TJP2: variants seen among roughly 807,000 people sequenced by gnomAD.
The protein encoded by TJP2 is Friedreich ataxia region gene X104 (tight junction protein ZO-2).
In TJP2, 91 loss-of-function variants were observed where a neutral mutation model predicts 133.1. The observed-to-expected ratio is 0.68, with a 90% confidence interval of 0.58 to 0.81. The LOEUF is 0.81. Ranked by LOEUF, TJP2 falls within the 40% of genes least tolerant of loss-of-function variation. TJP2 has a pLI of 0.00. For synonymous variants in TJP2, 592 were observed against 583.4 expected, an observed-to-expected ratio of 1.01 and a Z score of -0.21; for missense variants, 1,541 against 1,565.6, an observed-to-expected ratio of 0.98 and a Z score of 0.26.
intron 14 of TJP2, among the ~76,000 whole-genome samples, chr9:69,237,591 C>CAAGAGGCTTGAGGT (rs2133391716): frequency 2.3e-5 from 1 of 42,932 alleles, no homozygotes; most frequent in Admixed American, 2.7e-4. Flanking sequence ...CCCAGCTACT[C>CAAGAGGCTTGAGGT]AGGAGGCTTG....
intron 1 of TJP2, among the ~76,000 whole-genome samples, chr9:69,130,696 TG>T (rs1290318392): frequency 6.6e-6 from 1 of 151,934 alleles, no homozygotes; most frequent in African/African-American, 2.4e-5. Flanking sequence ...GCTGTGGAAG[TG>T]GGTACCAGCC....
rs760089916 is a variant in TJP2 at position 69,226,162 on chromosome 9, C to T, written c.1197C>T (p.Asp399=). The change falls in exon 7 of 23, where the codon GAC becomes GAT. Residue 399 remains aspartate, a synonymous_variant. Transcript: ENST00000377245. The part of the protein sequence containing the change: ...LINIPSLNDS[D]SEIEDISEIE... ...ACATCCCGTCATTAAATGACAGTGA[C>T]TCAGAAATAGAAGGTAAAGGAAGAG... The T allele has an allele frequency of 1.1e-4, 172 of 1,613,948 alleles. No homozygotes were observed. The highest frequency in any genetic ancestry group is 1.4e-4 in the Non-Finnish European group (165 of 1,180,024).
At chr9:69,210,299 C>CCCAA (rs377382335) in intron 1 of TJP2, among the ~76,000 whole-genome samples, 43 of 28,658 alleles carry the variant, frequency 1.5e-3, no homozygotes, top group East Asian at 9.7e-3. Context: ...CCCCCCCCCC[C>CCCAA]AAAAAAAAAA....
chr9:69,152,448 G>T (rs1049737714), intron 2 of TJP2, among the ~76,000 whole-genome samples: 4 of 152,158 alleles, frequency 2.6e-5, no homozygotes, highest in African/African-American at 7.2e-5. Flanking sequence ...ATTCCTGTCT[G>T]TTGAAGTTGG....
At chr9:69,167,174 G>T (rs775553952) in intron 2 of TJP2, among the ~76,000 whole-genome samples, 2 of 151,976 alleles carry the variant, frequency 1.3e-5, no homozygotes, top group Non-Finnish European at 2.9e-5. Flanking sequence ...GGAGGCGGAC[G>T]TTGCAGTGAG....
At chr9:69,145,670 G>A (rs746450473) in intron 1 of TJP2, 33 of 1,210,626 alleles carry the variant, frequency 2.7e-5, no homozygotes, top group Non-Finnish European at 3.4e-5. Context: ...AACAGTGACT[G>A]AAATTTACAG....
In TJP2 at chr9:69,125,010, C is replaced by T. The variant is rs149349005; in HGVS notation, c.-131+3285C>T. Among the ~76,000 whole-genome samples the T allele has an allele frequency of 3.4e-3, 256 of 76,382 alleles. 93 individuals are homozygous for T. Among genetic ancestry groups the T allele is most frequent in the African/African-American group, 9.8e-3 (245 of 24,956 alleles). 50.1% of individuals were successfully genotyped at this position (76,382 alleles called of 152,430 possible). ...TCTTGTCACCCAGGCTGGAGTGCAA[C>T]GGCGCGATCTTGGCTTACTGCAACC... On this transcript the variant is annotated intron_variant, in intron 1 of 5. Transcript: ENST00000423935.
At position 69,174,431 on chromosome 9, in the gene TJP2, G is replaced by A. The variant is rs1163571760; in HGVS notation, c.59G>A (p.Arg20His). Residue 20 changes from arginine (R) to histidine (H), a missense_variant and splice_region_variant, in exon 1 of 23, where the codon CGC becomes CAC. By Grantham distance (29) the Arg-to-His change is conservative (BLOSUM62 0). Transcript: ENST00000377245. ...PPRRELSGWL[R>H]APGMEELIWE... ...CGGCGGGAGCTGTCAGGTTGGCTCC[G>A]CGTAAGTGCCTCCTTGTGCCGCGCG... The A allele has an allele frequency of 6.4e-7, 1 of 1,551,276 alleles. No individual in the cohort carries two copies. The highest frequency in any genetic ancestry group is 8.7e-7 in the Non-Finnish European group (1 of 1,146,960).
rs766748789 is a variant in TJP2 at position 69,236,102 on chromosome 9, A to C, written c.1855A>C (p.Thr619Pro). 1 of 1,614,016 alleles carries C rather than the reference A, an allele frequency of 6.2e-7. No individual in the cohort carries two copies. The highest frequency in any genetic ancestry group is 8.5e-7 in the Non-Finnish European group (1 of 1,180,004). ...IRSHFECEKE[T>P]PQSLAFTRGE... is the part of the protein sequence containing the mutation. ...AAGCCACTTTGAATGTGAGAAGGAA[A>C]CTCCACAGAGCCTGGCCTTCACCAG... The change falls in exon 13 of 23, where the codon ACT (threonine) becomes CCT (proline). Residue 619 changes from threonine to proline, a missense_variant. Thr to Pro is a conservative substitution (Grantham distance 38). Coordinates refer to ENST00000377245, the MANE Select transcript of TJP2 (RefSeq NM_004817.4).
intron 1 of TJP2, among the ~76,000 whole-genome samples, chr9:69,195,127 CT>C (rs34424777): frequency 0.38 from 57,661 of 151,892 alleles, 11,203 homozygotes; most frequent in South Asian, 0.44. Context: ...TTCAACCTGC[CT>C]TTTTGACAAA....
At chr9:69,142,809 C>A (rs1017137783) in intron 1 of TJP2, among the ~76,000 whole-genome samples, 3 of 152,074 alleles carry the variant, frequency 2.0e-5, no homozygotes, top group Non-Finnish European at 4.4e-5. Context: ...GACTTAAAAG[C>A]TTTTTTTGGA....
chr9:69,234,346 C>T, intron 11 of TJP2, 93 bp from the exon 12 acceptor site: 1 of 1,046,630 alleles, frequency 9.6e-7, no homozygotes, highest in South Asian at 1.6e-5. Flanking sequence ...GGGTCAGTGG[C>T]ATCTTACTAT....
chr9:69,144,468 T>C (rs1207208943), intron 1 of TJP2, among the ~76,000 whole-genome samples: 1 of 152,160 alleles, frequency 6.6e-6, no homozygotes, highest in East Asian at 1.9e-4. Context: ...AGGAGCAGCA[T>C]GACTCTTGTA....
chr9:69,157,186 T>C (rs1239848209), intron 2 of TJP2, among the ~76,000 whole-genome samples: 3 of 152,182 alleles, frequency 2.0e-5, no homozygotes, highest in Non-Finnish European at 2.9e-5. Flanking sequence ...TTTATAGATA[T>C]GAAATAAAGA....
At chr9:69,160,819 A>G (rs1337692986) in intron 2 of TJP2, among the ~76,000 whole-genome samples, 2 of 152,126 alleles carry the variant, frequency 1.3e-5, no homozygotes, top group Non-Finnish European at 2.9e-5. Flanking sequence ...TGTGCAGGGA[A>G]ACTCCCTTTT....
In TJP2 at chr9:69,213,379, C is replaced by T. The variant is rs146523537; in HGVS notation, c.114+778C>T. 1.2e-3 allele frequency among the ~76,000 whole-genome samples: 185 copies of T among 152,168 alleles called. No homozygotes were observed. In the Middle Eastern group the frequency reaches 0.037, roughly 31 times the overall value. ...CCCAGACGGTTCCGCATTTTTATTC[C>T]GTCAAGCTGCCTTCCGGTCATCATC... is the stretch of plus-strand genomic sequence containing the variant. On this transcript the variant is annotated intron_variant, in intron 2 of 22. Coordinates refer to ENST00000377245, the MANE Select transcript of TJP2 (RefSeq NM_004817.4).
chr9:69,142,463 A>G (rs972477433), intron 1 of TJP2, among the ~76,000 whole-genome samples: 5 of 152,184 alleles, frequency 3.3e-5, no homozygotes, highest in Non-Finnish European at 5.9e-5. Flanking sequence ...TGAGCATATT[A>G]AGGAGGAGAG....
At chr9:69,130,890 G>C (rs1822465862) in intron 1 of TJP2, among the ~76,000 whole-genome samples, 1 of 152,130 alleles carries the variant, frequency 6.6e-6, no homozygotes, top group African/African-American at 2.4e-5. Context: ...ACATGTATGG[G>C]TATTGGTGTC....
chr9:69,226,326 T>G lies in TJP2; in HGVS notation c.1210+151T>G, dbSNP rs923203952. On this transcript the variant is annotated intron_variant, in intron 7 of 22. Transcript: ENST00000377245. Reference sequence around the variant, plus strand: ...ATCTCCAAAGGTCACTGGTTGGTTGTTATTTGCTTATTAAAGTGCCTATTG... The same window carrying G: ...ATCTCCAAAGGTCACTGGTTGGTTGGTATTTGCTTATTAAAGTGCCTATTG... The G allele has an allele frequency of 2.8e-5, 25 of 894,646 alleles. No individual in the cohort carries two copies. The Admixed American group carries it at 5.1e-4, about 18-fold the overall frequency. The allele number at this position is 894,646 out of a possible 1,614,324, so 55.4% of individuals were successfully genotyped here.
Sources: gnomAD v4.1 joint callset for allele counts (sites outside exome capture counted in the v4.1 genomes callset) on GRCh38, gnomAD v4.1.1 for gene constraint, MANE v1.5 for transcripts, NCBI Gene and HGNC (gene_info 2026-07-23, HGNC 2026-07-21) for gene names.